The following NUP210L variants were observed in gnomAD, a reference collection of about 807,000 sequenced individuals.
The protein encoded by NUP210L is nucleoporin 210 like, also known as nuclear pore membrane glycoprotein 210-like.
Under a neutral mutation model 208.5 loss-of-function variants are expected in NUP210L, and 74 were observed. The observed-to-expected ratio is 0.35, with a 90% CI of 0.29 to 0.43. The LOEUF (loss-of-function observed/expected upper bound fraction) is 0.43. Ranked by LOEUF, NUP210L falls within the 20% of genes least tolerant of loss-of-function variation. The pLI is 1.00. For missense variants in NUP210L, 1,843 were observed against 2,289.4 expected (o/e 0.81, Z 3.98); for synonymous variants, 780 against 816.9 (o/e 0.95, Z 0.77).
intron 14 of NUP210L, among the ~76,000 whole-genome samples, chr1:154,099,112 C>T (rs150891537): frequency 2.6e-5 from 4 of 152,236 alleles, no homozygotes; most frequent in East Asian, 1.9e-4. Context: ...AGCCAGGCAG[C>T]GGGAGTGTGC....
chr1:154,042,061 T>C (rs1181080785), intron 27 of NUP210L, among the ~76,000 whole-genome samples: 1 of 152,086 alleles, frequency 6.6e-6, no homozygotes, highest in African/African-American at 2.4e-5. Flanking sequence ...GTGTAGGAAA[T>C]CTACCCATTG....
At chr1:154,090,134 C>T (rs1444950746) in intron 15 of NUP210L, among the ~76,000 whole-genome samples, 1 of 151,406 alleles carries the variant, frequency 6.6e-6, no homozygotes, top group African/African-American at 2.4e-5. Context: ...ATCTCAGCTG[C>T]TTGGAAGTCT....
At chr1:154,155,027 C>T (rs1558016370) in exon 1 of NUP210L, 1 of 1,607,860 alleles carries the variant, frequency 6.2e-7, no homozygotes, top group East Asian at 2.2e-5. Flanking sequence ...GTCTTGATGA[C>T]GCCGGACAGC....
chr1:154,129,293 T>C (rs1482601525), exon 8 of NUP210L: 9 of 1,607,010 alleles, frequency 5.6e-6, no homozygotes, highest in Non-Finnish European at 6.0e-6. Context: ...ATCCAGGCTC[T>C]ACAACATATA....
chr1:154,104,247 T>A (rs766791177), intron 12 of NUP210L, 37 bp from the exon 13 acceptor site: 11 of 1,586,394 alleles, frequency 6.9e-6, no homozygotes, highest in Middle Eastern at 1.8e-4. Context: ...GAAAGTTATG[T>A]TAAAAAAAAG....
At chr1:154,094,872 T>C in intron 15 of NUP210L, 63 bp downstream of exon 15, 1 of 1,213,620 alleles carries the variant, frequency 8.2e-7, no homozygotes, top group South Asian at 1.3e-5. Flanking sequence ...AAGGAATGGC[T>C]GGAAGTACAA....
intron 2 of NUP210L, 36 bp downstream of exon 2, chr1:154,152,697 CAGA>C (rs2148165914): frequency 2.5e-6 from 4 of 1,581,748 alleles, no homozygotes; most frequent in Middle Eastern, 1.7e-4. Context: ...TATTCTACCC[CAGA>C]AGAAGTGATA....
chr1:154,153,936 G>A (rs982028351), intron 1 of NUP210L, among the ~76,000 whole-genome samples: 3 of 152,074 alleles, frequency 2.0e-5, no homozygotes, highest in Admixed American at 1.3e-4. Context: ...CTAGGAGATG[G>A]CAAAGGGGTA....
At chr1:154,133,554 A>T (rs892921835) in intron 7 of NUP210L, among the ~76,000 whole-genome samples, 11 of 148,370 alleles carry the variant, frequency 7.4e-5, no homozygotes, top group African/African-American at 2.7e-4. Context: ...AAAAAAAAAA[A>T]TCTGGCTGGG....
chr1:154,102,923 G>T (rs1656542690), intron 13 of NUP210L, among the ~76,000 whole-genome samples: 1 of 152,114 alleles, frequency 6.6e-6, no homozygotes, highest in Admixed American at 6.6e-5. Flanking sequence ...ACCTTACTGT[G>T]AACTAAAATC....
chr1:154,074,908 T>A (rs555532086), intron 16 of NUP210L, among the ~76,000 whole-genome samples: 1 of 152,372 alleles, frequency 6.6e-6, no homozygotes, highest in South Asian at 2.1e-4. Flanking sequence ...GGGCTTTTAC[T>A]GTAGTAAACA....
At chr1:154,051,559 C>A (rs567449376) in intron 25 of NUP210L, among the ~76,000 whole-genome samples, 1 of 152,210 alleles carries the variant, frequency 6.6e-6, no homozygotes, top group African/African-American at 2.4e-5. Flanking sequence ...GGTCACAAAG[C>A]GCAGATACAG....
intron 13 of NUP210L, among the ~76,000 whole-genome samples, chr1:154,100,527 T>C (rs1376862694): frequency 3.4e-4 from 49 of 143,002 alleles, no homozygotes; most frequent in Non-Finnish European, 6.7e-4. Context: ...TTTTTTTTTT[T>C]TTTTTTTTGA....
intron 27 of NUP210L, among the ~76,000 whole-genome samples, chr1:154,040,313 A>G (rs1571203015): frequency 6.6e-6 from 1 of 152,012 alleles, no homozygotes; most frequent in African/African-American, 2.4e-5. Flanking sequence ...CTGAGGCAGG[A>G]GGATCGCTTG....
intron 33 of NUP210L, among the ~76,000 whole-genome samples, chr1:154,013,939 A>G (rs1485260022): frequency 6.6e-6 from 1 of 151,912 alleles, no homozygotes; most frequent in African/African-American, 2.4e-5. Context: ...TGATTTTTGT[A>G]TCTTTAGTAG....
chr1:154,072,612 G>A (rs1157520435), intron 16 of NUP210L, among the ~76,000 whole-genome samples: 11 of 151,964 alleles, frequency 7.2e-5, no homozygotes, highest in African/African-American at 2.4e-4. Context: ...GATTACAGGC[G>A]TGAGCCACCG....
At chr1:154,104,099 T>C (rs771881891) in exon 13 of NUP210L, 2 of 1,614,136 alleles carry the variant, frequency 1.2e-6, no homozygotes, top group Non-Finnish European at 1.7e-6. Context: ...ATGGCTTCTT[T>C]GGTCTCTTTA....
At chr1:154,060,765 C>A (rs929389300) in intron 19 of NUP210L, 124 bp from the exon 20 acceptor site, 1 of 777,432 alleles carries the variant, frequency 1.3e-6, no homozygotes, top group African/African-American at 1.8e-5. Flanking sequence ...AGACAAAAGA[C>A]AAAATACAAT....
exon 39 of NUP210L, chr1:153,993,063 G>T (rs1201864789): frequency 6.2e-7 from 1 of 1,613,602 alleles, no homozygotes; most frequent in South Asian, 1.1e-5. Flanking sequence ...GGAACTGTTT[G>T]TATCTTGTTT....
Sources: gnomAD v4.1 joint callset for allele counts (sites outside exome capture counted in the v4.1 genomes callset) on GRCh38, gnomAD v4.1.1 for gene constraint, MANE v1.5 for transcripts, NCBI Gene and HGNC (gene_info 2026-07-23, HGNC 2026-07-21) for gene names.